Variants in ZNF574 observed in about 807,000 individuals in gnomAD.
ZNF574 encodes the protein zinc finger protein 574.
ZNF574 carries 25 observed loss-of-function variants against 56.6 expected under a neutral mutation model. That is an observed-to-expected ratio of 0.44 (90% CI 0.32 to 0.62). ZNF574 has a LOEUF of 0.62. Ranked by LOEUF, ZNF574 falls within the 20% of genes least tolerant of loss-of-function variation. The pLI is 0.04. For missense variants in ZNF574, 1,065 were observed against 1,218.9 expected, an observed-to-expected ratio of 0.87 and a Z score of 1.88; for synonymous variants, 543 against 492.1, an observed-to-expected ratio of 1.10 and a Z score of -1.37.
chr19:42,073,897 G>C (rs1017602975), upstream of ZNF574, among the ~76,000 whole-genome samples: 1 of 149,840 alleles, frequency 6.7e-6, no homozygotes, highest in South Asian at 2.1e-4. Flanking sequence ...TGAGAGGCTG[G>C]GTGGGGGGGT....
Position 42,079,256 on chromosome 19 carries a change from C to T in ZNF574, c.650C>T (p.Ser217Phe). Residue 217 changes from serine to phenylalanine, a missense_variant, in exon 2 of 2, where the codon TCT becomes TTT. By Grantham distance (155) the Ser-to-Phe change is radical. Transcript: ENST00000359044. The surrounding 1 kb of genome is among the most constrained non-coding windows in gnomAD (Gnocchi z 4.3). The stretch of plus-strand genomic sequence containing the variant: ...GTGGAGCTGCTCCTCTACAAGTGCT[C>T]TGAGTGCTCCCAGCTCTTCCAGCTG... ...TEVELLLYKC[S>F]ECSQLFQLPA... 1 of 1,614,096 alleles carries T rather than the reference C, an allele frequency of 6.2e-7. No homozygotes were observed. The highest frequency in any genetic ancestry group is 1.1e-5 in the South Asian group (1 of 91,084).
intron 1 of ZNF574, among the ~76,000 whole-genome samples, chr19:42,076,857 T>C (rs949251596): frequency 6.6e-6 from 1 of 151,646 alleles, no homozygotes; most frequent in Non-Finnish European, 1.5e-5. Flanking sequence ...ATGGATGGGG[T>C]TAAATTAATG....
At chr19:42,068,818 A>C in exon 1 of ZNF574, 1 of 639,004 alleles carries the variant, frequency 1.6e-6, no homozygotes, top group Non-Finnish European at 2.8e-6. Flanking sequence ...AGACATATCC[A>C]GGAGATAGAG....
At position 42,080,422 on chromosome 19, in the gene ZNF574, C is replaced by T; in HGVS notation, c.1816C>T (p.Pro606Ser). Reference sequence around the variant, plus strand: ...CCGCTACCATCACACAGGTGAATACCCCTACAAGTGTCGCGAGTGCCCCCG... The same window carrying T: ...CCGCTACCATCACACAGGTGAATACTCCTACAAGTGTCGCGAGTGCCCCCG... ...MHRYHHTGEY[P>S]YKCRECPRSF... Residue 606 changes from proline to serine, a missense_variant, in exon 2 of 2, where the codon CCC (proline) becomes TCC (serine). Pro to Ser is a moderately conservative substitution (Grantham distance 74, BLOSUM62 -1). Transcript: ENST00000359044. The surrounding 1 kb of genome is among the most constrained non-coding windows in gnomAD (Gnocchi z 8.5). 6.2e-7 allele frequency: 1 copy of T among 1,614,250 alleles called. No homozygotes were observed. The highest frequency in any genetic ancestry group is 8.5e-7 in the Non-Finnish European group (1 of 1,180,050).
chr19:42,080,526 C>T lies in ZNF574; in HGVS notation c.1920C>T (p.Ser640=), dbSNP rs141964742. 778 of 1,613,564 alleles carry T rather than the reference C, an allele frequency of 4.8e-4. 1 individual carries two copies. The highest frequency in any genetic ancestry group is 5.9e-4 in the Non-Finnish European group (693 of 1,179,884). ...HAGRQPHRCP[S]CGAAFPSSLR... is the part of the protein sequence containing the mutation. ...GGCGCCAGCCCCACCGCTGCCCATC[C>T]TGTGGGGCTGCCTTCCCCTCCTCAC... Residue 640 remains serine (S), a synonymous_variant, in exon 2 of 2, where the codon TCC becomes TCT. Transcript: ENST00000359044. This position sits in a 1 kb window ranked among gnomAD's most constrained non-coding sequence, Gnocchi z 8.5.
upstream of ZNF574, among the ~76,000 whole-genome samples, chr19:42,072,518 A>G (rs1031182579): frequency 1.3e-5 from 2 of 151,044 alleles, no homozygotes; most frequent in African/African-American, 2.4e-5. Flanking sequence ...TTACAGGCGC[A>G]AGCCACTGCA....
At chr19:42,076,481 G>C (rs1032585905) in intron 1 of ZNF574, among the ~76,000 whole-genome samples, 195 bp downstream of exon 1, 1 of 151,636 alleles carries the variant, frequency 6.6e-6, no homozygotes, top group Non-Finnish European at 1.5e-5. Flanking sequence ...TGGGGAAGGG[G>C]CCTGGAGTCG....
In ZNF574 at chr19:42,079,952, A is replaced by T; in HGVS notation, c.1346A>T (p.Glu449Val). The T allele has an allele frequency of 6.2e-7, 1 of 1,613,560 alleles. No homozygotes were observed. Among genetic ancestry groups the T allele is most frequent in the Non-Finnish European group, 8.5e-7 (1 of 1,179,914 alleles). The change falls in exon 2 of 2, where the codon GAG (glutamate) becomes GTG (valine). Residue 449 changes from glutamate to valine, a missense_variant. By Grantham distance (121) the Glu-to-Val change is moderately radical. Coordinates refer to ENST00000359044, the MANE Select transcript of ZNF574 (RefSeq NM_022752.6). This position sits in a 1 kb window ranked among gnomAD's most constrained non-coding sequence, Gnocchi z 4.3. The part of the protein sequence containing the change: ...PAETGEPEAP[E>V]PPVSEETSAG... ...GAGACTGGAGAGCCAGAGGCCCCTG[A>T]GCCCCCTGTGTCTGAGGAGACCTCA...
In ZNF574 at chr19:42,079,559, T is replaced by C. The variant is rs755867157; in HGVS notation, c.953T>C (p.Phe318Ser). The C allele has an allele frequency of 3.1e-6, 5 of 1,613,960 alleles. No homozygotes were observed. The highest frequency in any genetic ancestry group is 8.5e-7 in the Non-Finnish European group (1 of 1,180,018). The change falls in exon 2 of 2, where the codon TTT (phenylalanine) becomes TCT (serine). Residue 318 changes from phenylalanine to serine, a missense_variant. Phe to Ser is a radical substitution (Grantham distance 155). Coordinates refer to ENST00000359044, the MANE Select transcript of ZNF574 (RefSeq NM_022752.6). The surrounding 1 kb of genome is among the most constrained non-coding windows in gnomAD (Gnocchi z 4.3). ...TTCTGCTCAGCCTGTGACCAGCTCT[T>C]TCTCTCACCCCACCAGCTACAGCAG... ...ELFCSACDQL[F>S]LSPHQLQQHL...
In ZNF574 at chr19:42,081,472, T is replaced by C. The variant is rs1049495519; in HGVS notation, c.*175T>C. ...GGTGCTCTGGGGTCCTTGACACACA[T>C]AAAGGTGCCCCCCCACCTTCCACCT... is the stretch of plus-strand genomic sequence containing the variant. On this transcript the variant is annotated 3_prime_UTR_variant, in exon 2 of 2. Transcript: ENST00000359044. The C allele has an allele frequency of 6.2e-6, 5 of 811,086 alleles. No homozygotes were observed. Among genetic ancestry groups the C allele is most frequent in the Non-Finnish European group, 1.0e-5 (5 of 495,974 alleles). The allele number at this position is 811,086 out of a possible 1,614,324, so 50.2% of individuals were successfully genotyped here. A position where few individuals can be genotyped will look rare whatever the true frequency, so the allele number is the denominator to read the frequency against.
At chr19:42,074,727 T>C (rs2076445204), upstream of ZNF574, 1 of 152,224 alleles carries the variant, frequency 6.6e-6, no homozygotes. Flanking sequence ...GGACATCTAG[T>C]GACCAAATGG....
At chr19:42,069,199 G>A (rs1314055787) in intron 1 of ZNF574, 2 of 358,540 alleles carry the variant, frequency 5.6e-6, no homozygotes, top group Non-Finnish European at 5.0e-6. Context: ...CAGCCTTCCA[G>A]GACCCAGAAC....
At chr19:42,072,215 ATTTTCTTTTTTTTTCC>A (rs1336151963), upstream of ZNF574, among the ~76,000 whole-genome samples, 2 of 146,962 alleles carry the variant, frequency 1.4e-5, no homozygotes, top group African/African-American at 2.5e-5. Flanking sequence ...GGATCCTCAA[ATTTTCTTTTTTTTTCC>A]TTTTCTTTTT....
At chr19:42,075,368 G>C (rs988702490), upstream of ZNF574, 2 of 152,298 alleles carry the variant, frequency 1.3e-5, no homozygotes, top group Non-Finnish European at 2.9e-5. Flanking sequence ...CTTCCTTCAG[G>C]CTCTCACCCC....
upstream of ZNF574, among the ~76,000 whole-genome samples, chr19:42,073,334 G>A (rs976933983): frequency 1.3e-5 from 2 of 152,086 alleles, no homozygotes; most frequent in Non-Finnish European, 2.9e-5. Context: ...TACCTAGCAC[G>A]TCATAATACA....
rs2076484449 is a variant in ZNF574 at position 42,079,865 on chromosome 19, T to G, written c.1259T>G (p.Leu420Arg). ...ACTCATGGGGTAGGGGGTGTCCCTC[T>G]GCCCACAACACCAGTCCCACCAGAG... ...RRTHGVGGVPLPTTPVPPEEP... is the reference protein window; with the variant it reads ...RRTHGVGGVPRPTTPVPPEEP... Residue 420 changes from leucine (L) to arginine (R), a missense_variant, in exon 2 of 2, where the codon CTG becomes CGG. By Grantham distance (102) the Leu-to-Arg change is moderately radical. Coordinates refer to ENST00000359044, the MANE Select transcript of ZNF574 (RefSeq NM_022752.6). This position sits in a 1 kb window ranked among gnomAD's most constrained non-coding sequence, Gnocchi z 4.3. 6.2e-6 allele frequency: 10 copies of G among 1,614,166 alleles called. No homozygotes were observed. Among genetic ancestry groups the G allele is most frequent in the Non-Finnish European group, 8.5e-6 (10 of 1,180,022 alleles).
intron 1 of ZNF574, among the ~76,000 whole-genome samples, chr19:42,069,681 T>G (rs962107582): frequency 9.3e-5 from 7 of 75,566 alleles, no homozygotes; most frequent in Admixed American, 2.0e-4. Context: ...GAGGACTGGG[T>G]GGAGAAAAGG....
At chr19:42,077,714 G>T (rs1170035787) in intron 1 of ZNF574, among the ~76,000 whole-genome samples, 1 of 152,192 alleles carries the variant, frequency 6.6e-6, no homozygotes, top group African/African-American at 2.4e-5. Context: ...ACAGGAGCTA[G>T]GGTGGTGGAA....
chr19:42,077,899 G>T (rs1405425880), intron 1 of ZNF574, among the ~76,000 whole-genome samples: 2 of 152,100 alleles, frequency 1.3e-5, no homozygotes, highest in African/African-American at 4.8e-5. Flanking sequence ...GTGGAGATGG[G>T]TTAGGCCAGT....
Sources: gnomAD v4.1 joint callset for allele counts (sites outside exome capture counted in the v4.1 genomes callset) on GRCh38, gnomAD v4.1.1 for gene constraint, Gnocchi (gnomAD v3.1) non-coding constraint, MANE v1.5 for transcripts, NCBI Gene and HGNC (gene_info 2026-07-23, HGNC 2026-07-21) for gene names.